The following TMEM266 variants were observed in gnomAD, a reference collection of about 807,000 sequenced individuals.
TMEM266 encodes transmembrane protein 266.
A neutral mutation model predicts 50.5 loss-of-function variants in TMEM266; 33 were observed. The observed-to-expected ratio is 0.65, with a 90% CI of 0.50 to 0.87. TMEM266 has a LOEUF of 0.87. Ranked by LOEUF, TMEM266 falls within the 40% of genes least tolerant of loss-of-function variation. The pLI is 0.00. For synonymous variants in TMEM266, 310 were observed against 292.3 expected (o/e 1.06, Z -0.62); for missense variants, 655 against 695.1 (o/e 0.94, Z 0.65).
chr15:76,069,400 T>G (rs73451114), intron 1 of TMEM266, among the ~76,000 whole-genome samples: 1,523 of 152,250 alleles, frequency 0.01, 24 homozygotes, highest in African/African-American at 0.034. Flanking sequence ...TTGTAAAAGC[T>G]GAGGTTGATA....
At chr15:76,123,328 A>G (rs1030254764) in intron 1 of TMEM266, among the ~76,000 whole-genome samples, 8 of 152,322 alleles carry the variant, frequency 5.3e-5, no homozygotes, top group African/African-American at 9.6e-5. Flanking sequence ...AGCACAAGAA[A>G]TACAACCTTC....
chr15:76,175,326 A>T (rs1278427301), intron 7 of TMEM266: 2 of 450,642 alleles, frequency 4.4e-6, no homozygotes, highest in Non-Finnish European at 8.1e-6. Context: ...GCCCAAAAGT[A>T]TGGGTTCTAG....
chr15:76,068,832 T>C (rs2036485691), intron 1 of TMEM266, among the ~76,000 whole-genome samples: 1 of 152,184 alleles, frequency 6.6e-6, no homozygotes, highest in East Asian at 1.9e-4. Context: ...CACTAACTAA[T>C]ACATCCAGCA....
intron 5 of TMEM266, among the ~76,000 whole-genome samples, chr15:76,167,614 G>A: frequency 6.6e-6 from 1 of 151,880 alleles, no homozygotes; most frequent in East Asian, 1.9e-4. Context: ...CAATTCTCCT[G>A]CCTCAGCCTT....
chr15:76,111,513 T>C (rs1234545767), intron 1 of TMEM266, among the ~76,000 whole-genome samples: 1 of 152,082 alleles, frequency 6.6e-6, no homozygotes, highest in East Asian at 1.9e-4. Flanking sequence ...GCGATTCTCC[T>C]GCCTCAGCCT....
chr15:76,169,891 C>T lies in TMEM266; in HGVS notation c.513+19C>T. The T allele has an allele frequency of 6.2e-7, 1 of 1,608,528 alleles. No homozygotes were observed. The highest frequency in any genetic ancestry group is 8.5e-7 in the Non-Finnish European group (1 of 1,175,588). On this transcript the variant is annotated intron_variant, in intron 6 of 10. Coordinates refer to ENST00000388942, the MANE Select transcript of TMEM266 (RefSeq NM_152335.3). ...AATAGAGGTAAAGACCAATGTCCAC[C>T]CCCAAAGCCCCCACTCTGCCATCCT...
At chr15:76,135,491 C>G (rs770373676) in intron 2 of TMEM266, among the ~76,000 whole-genome samples, 1 of 152,230 alleles carries the variant, frequency 6.6e-6, no homozygotes, top group Non-Finnish European at 1.5e-5. Context: ...TCTTATTGAT[C>G]AGAAAGTTCT....
At chr15:76,151,193 C>T (rs181475162) in intron 3 of TMEM266, among the ~76,000 whole-genome samples, 15 of 152,220 alleles carry the variant, frequency 9.9e-5, no homozygotes, top group South Asian at 8.3e-4. Context: ...GATGGGCCGA[C>T]GCTGAAGACA....
intron 8 of TMEM266, chr15:76,176,010 G>C: frequency 4.4e-6 from 1 of 227,184 alleles, no homozygotes; most frequent in Non-Finnish European, 8.7e-6. Context: ...TCTAAAGCCA[G>C]TCGCTAATTC....
intron 1 of TMEM266, among the ~76,000 whole-genome samples, chr15:76,084,454 G>A (rs2036740682): frequency 6.6e-6 from 1 of 152,190 alleles, no homozygotes; most frequent in Non-Finnish European, 1.5e-5. Flanking sequence ...AACTAAATGA[G>A]GTCAGCATGA....
intron 5 of TMEM266, among the ~76,000 whole-genome samples, chr15:76,165,081 G>C (rs532436087): frequency 6.6e-6 from 1 of 152,402 alleles, no homozygotes; most frequent in South Asian, 2.1e-4. Context: ...CTCGGCCTCA[G>C]GCAGCAGGAA....
intron 1 of TMEM266, among the ~76,000 whole-genome samples, chr15:76,082,633 A>G (rs1026072786): frequency 1.7e-5 from 1 of 60,050 alleles, no homozygotes; most frequent in Non-Finnish European, 4.6e-5. Context: ...AGCGTGGCAC[A>G]TGGTGAAAGA....
chr15:76,071,572 T>TA (rs765749561), intron 1 of TMEM266, among the ~76,000 whole-genome samples: 14 of 152,178 alleles, frequency 9.2e-5, no homozygotes, highest in Non-Finnish European at 1.8e-4. Context: ...GAGATTCTCA[T>TA]AAGGCCTCTT....
chr15:76,110,907 G>GAAATGC (rs760547998), intron 1 of TMEM266, among the ~76,000 whole-genome samples: 4 of 152,126 alleles, frequency 2.6e-5, no homozygotes, highest in Non-Finnish European at 5.9e-5. Context: ...TATCAACAAG[G>GAAATGC]AAATGCAAAT....
intron 6 of TMEM266, among the ~76,000 whole-genome samples, chr15:76,170,563 ACT>A (rs1476909305): frequency 2.0e-5 from 3 of 151,566 alleles, no homozygotes; most frequent in South Asian, 2.1e-4. Flanking sequence ...AGAGTTAGAG[ACT>A]CTGCACTGGA....
chr15:76,149,726 T>C (rs1339397783), intron 3 of TMEM266, among the ~76,000 whole-genome samples: 1 of 152,194 alleles, frequency 6.6e-6, no homozygotes, highest in Non-Finnish European at 1.5e-5. Flanking sequence ...AAAGTCTGGC[T>C]TTCCCCTCCA....
intron 5 of TMEM266, among the ~76,000 whole-genome samples, chr15:76,166,210 G>T (rs2142056217): frequency 6.6e-6 from 1 of 152,230 alleles, no homozygotes; most frequent in Non-Finnish European, 1.5e-5. Context: ...CGGCAAAGGT[G>T]TCTGGGGAGG....
chr15:76,091,238 A>T (rs562992957), intron 1 of TMEM266, among the ~76,000 whole-genome samples: 1 of 152,194 alleles, frequency 6.6e-6, no homozygotes, highest in African/African-American at 2.4e-5. Flanking sequence ...AGATTTTTCT[A>T]TATAATTTTA....
Position 76,097,790 on chromosome 15 carries a change from T to C in TMEM266, c.-96-36378T>C, listed in dbSNP as rs1029934712. Among the ~76,000 whole-genome samples the C allele has an allele frequency of 1.4e-4, 21 of 152,164 alleles. 1 individual carries two copies. The highest frequency in any genetic ancestry group is 3.4e-3 in the Middle Eastern group (1 of 294). On this transcript the variant is annotated intron_variant, in intron 1 of 10. Transcript: ENST00000388942. ...ACATAGTCCCATATTTCTTGGAGGCTTTGTTTATTCCTTTTTATTCTTTTT... is the reference window on the plus strand; with the variant it reads ...ACATAGTCCCATATTTCTTGGAGGCCTTGTTTATTCCTTTTTATTCTTTTT...
Sources: allele counts gnomAD v4.1 joint callset (sites outside exome capture counted in the v4.1 genomes callset), GRCh38; gene constraint gnomAD v4.1.1; transcripts MANE v1.5; gene names NCBI Gene and HGNC (gene_info 2026-07-23, HGNC 2026-07-21).